The following PDCD6 variants were observed in gnomAD, a reference collection of about 807,000 sequenced individuals.
PDCD6 encodes the protein programmed cell death protein 6.
Under a neutral mutation model 28.3 loss-of-function variants are expected in PDCD6, and 12 were observed. That is an observed-to-expected ratio of 0.42 (90% CI 0.27 to 0.69). The LOEUF is 0.69. Among genes scored for constraint, PDCD6 ranks in the 30% least tolerant of loss-of-function variants. The pLI, the probability that PDCD6 is intolerant of heterozygous loss-of-function variation, is 0.22. For missense variants in PDCD6, 226 were observed against 269.9 expected, an observed-to-expected ratio of 0.84 and a Z score of 1.14; for synonymous variants, 92 against 108.0, an observed-to-expected ratio of 0.85 and a Z score of 0.92.
intron 2 of PDCD6, chr5:289,060 C>T (rs1468170019): frequency 3.1e-6 from 4 of 1,295,882 alleles, no homozygotes; most frequent in Non-Finnish European, 4.5e-6. Flanking sequence ...TGATTATTTT[C>T]CTCAAAAGTC....
In PDCD6 at chr5:305,547, A is replaced by G. The variant is rs1029864478; in HGVS notation, c.209-1055A>G. ...TTGATACATGGGGAGCTACCTCCCC[A>G]CCGGAGAGGAATGGCCTGGGAGCCA... On this transcript the variant is annotated intron_variant, in intron 3 of 5. Coordinates refer to ENST00000264933, the MANE Select transcript of PDCD6 (RefSeq NM_013232.4). This position sits in a 1 kb window ranked among gnomAD's most constrained non-coding sequence, Gnocchi z 4.0. The G allele has an allele frequency of 6.6e-6, 1 of 152,096 alleles. No homozygotes were observed. The highest frequency in any genetic ancestry group is 6.5e-5 in the Admixed American group (1 of 15,274). The allele number at this position is 152,096 out of a possible 1,614,324, so 9.4% of individuals were successfully genotyped here. A position where few individuals can be genotyped will look rare whatever the true frequency, so the allele number is the denominator to read the frequency against.
chr5:286,958 TG>T (rs1299566650), intron 2 of PDCD6, among the ~76,000 whole-genome samples: 1 of 150,646 alleles, frequency 6.6e-6, no homozygotes, highest in East Asian at 2.0e-4. Flanking sequence ...GGAGATACAG[TG>T]GGGAGCAGTG....
chr5:288,940 C>T, intron 2 of PDCD6: 1 of 1,557,368 alleles, frequency 6.4e-7, no homozygotes, highest in Non-Finnish European at 8.8e-7. Context: ...CCTACTAATT[C>T]TTCTGTTTCA....
rs372493961 is a variant in PDCD6 at position 314,558 on chromosome 5, A to C, written c.*43A>C. 7.4e-7 allele frequency: 1 copy of C among 1,350,910 alleles called. No individual in the cohort carries two copies. The highest frequency in any genetic ancestry group is 2.3e-5 in the East Asian group (1 of 43,716). The allele number at this position is 1,350,910 out of a possible 1,614,324, so 83.7% of individuals were successfully genotyped here. A position where few individuals can be genotyped will look rare whatever the true frequency, so the allele number is the denominator to read the frequency against. On this transcript the variant is annotated 3_prime_UTR_variant, in exon 6 of 6. Coordinates refer to ENST00000264933, the MANE Select transcript of PDCD6 (RefSeq NM_013232.4). ...GAGCAGCACAACATGGAAAGAGCCA[A>C]AATGTCACAGTTCCTATCTGTGAGG...
At chr5:271,914 G>A in intron 1 of PDCD6, 93 bp downstream of exon 1, 1 of 606,356 alleles carries the variant, frequency 1.6e-6, no homozygotes, top group East Asian at 3.5e-5. Flanking sequence ...TTCCCTGCCG[G>A]TTCTACTGCG....
intron 2 of PDCD6, among the ~76,000 whole-genome samples, chr5:275,784 C>T (rs1386379145): frequency 6.6e-6 from 1 of 152,192 alleles, no homozygotes; most frequent in Admixed American, 6.5e-5. Context: ...TCTCAAGTTG[C>T]AGGGCTGCGA....
At chr5:281,584 A>G (rs143195341) in intron 2 of PDCD6, among the ~76,000 whole-genome samples, 149 of 151,708 alleles carry the variant, frequency 9.8e-4, no homozygotes, top group Non-Finnish European at 1.3e-3. Context: ...TGTTATTTTA[A>G]TTGGTGGGTC....
intron 2 of PDCD6, among the ~76,000 whole-genome samples, chr5:284,029 G>A (rs185865568): frequency 6.6e-6 from 1 of 152,316 alleles, no homozygotes; most frequent in African/African-American, 2.4e-5. Context: ...TCGGGGTGGA[G>A]CTTATGTTGT....
intron 1 of PDCD6, among the ~76,000 whole-genome samples, 170 bp from the exon 2 acceptor site, chr5:272,541 G>A (rs1265275058): frequency 1.4e-5 from 2 of 144,416 alleles, no homozygotes; most frequent in East Asian, 3.9e-4. Context: ...CACACTGGAC[G>A]TCGGCTCCTG....
intron 2 of PDCD6, chr5:289,002 G>A: frequency 8.0e-7 from 1 of 1,244,534 alleles, no homozygotes; most frequent in East Asian, 2.3e-5. Flanking sequence ...ATTACCTTCG[G>A]AATGTAGTAA....
At chr5:277,869 A>C (rs559005538) in intron 2 of PDCD6, among the ~76,000 whole-genome samples, 9 of 148,574 alleles carry the variant, frequency 6.1e-5, no homozygotes, top group South Asian at 2.1e-4. Flanking sequence ...GAGCTGAGAT[A>C]GCGCCACTGC....
intron 2 of PDCD6, chr5:276,344 C>T (rs1176211601): frequency 9.3e-7 from 1 of 1,077,058 alleles, no homozygotes; most frequent in Non-Finnish European, 1.1e-6. Context: ...TTCATAGTTC[C>T]CTCTCACTAC....
At chr5:298,749 TCA>T (rs1739789867) in intron 2 of PDCD6, among the ~76,000 whole-genome samples, 1 of 19,378 alleles carries the variant, frequency 5.2e-5, no homozygotes, top group Admixed American at 8.1e-4. Context: ...CCCCAGCTGC[TCA>T]CCCCCAACTG....
At chr5:297,814 A>G (rs1335690550) in intron 2 of PDCD6, among the ~76,000 whole-genome samples, 2 of 152,232 alleles carry the variant, frequency 1.3e-5, no homozygotes, top group Non-Finnish European at 2.9e-5. Flanking sequence ...AAGTCATCCA[A>G]AGTATCAGTA....
intron 2 of PDCD6, chr5:288,889 A>G (rs1739152216): frequency 5.8e-6 from 9 of 1,561,934 alleles, no homozygotes; most frequent in Non-Finnish European, 7.8e-6. Flanking sequence ...TTTTCCATGG[A>G]TGATTCTGAA....
At chr5:294,583 C>T (rs1394250588) in intron 2 of PDCD6, among the ~76,000 whole-genome samples, 2 of 152,254 alleles carry the variant, frequency 1.3e-5, no homozygotes, top group Non-Finnish European at 2.9e-5. Flanking sequence ...CTGGGACCCT[C>T]ATAAGCTGCA....
Position 311,280 on chromosome 5 carries a change from T to C in PDCD6, c.368-13T>C. The C allele has an allele frequency of 6.2e-7, 1 of 1,607,744 alleles. No individual in the cohort carries two copies. The highest frequency in any genetic ancestry group is 1.7e-4 in the Middle Eastern group (1 of 6,050). On this transcript the variant is annotated splice_polypyrimidine_tract_variant and intron_variant, in intron 4 of 5. Coordinates refer to ENST00000264933, the MANE Select transcript of PDCD6 (RefSeq NM_013232.4). ...CTCCCAGCCTTCTCTGACTCTGACT[T>C]TCCCTCTTGAAGGCTACCGGCTCTC... is the stretch of plus-strand genomic sequence containing the variant.
chr5:286,847 T>G (rs1362649432), intron 2 of PDCD6, among the ~76,000 whole-genome samples: 1 of 151,660 alleles, frequency 6.6e-6, no homozygotes, highest in African/African-American at 2.4e-5. Flanking sequence ...GGAGCTGGAG[T>G]CTATGTGAGG....
rs150167426 is a variant in PDCD6 at position 288,352 on chromosome 5, C to G, written c.163+15580C>G. On this transcript the variant is annotated intron_variant, in intron 2 of 5. Transcript: ENST00000264933. Reference sequence around the variant, plus strand: ...TAACTTAAAGTTCCATTGTACGTAGCCGGACAATAAAATCTGGAAACCAGC... The same window carrying G: ...TAACTTAAAGTTCCATTGTACGTAGGCGGACAATAAAATCTGGAAACCAGC... Among the ~76,000 whole-genome samples the G allele has an allele frequency of 3.9e-3, 576 of 147,454 alleles. 17 individuals carry two copies. Among genetic ancestry groups the G allele is most frequent in the Admixed American group, 0.034 (500 of 14,792 alleles).
Sources: allele counts gnomAD v4.1 joint callset (sites outside exome capture counted in the v4.1 genomes callset), GRCh38; gene constraint gnomAD v4.1.1; non-coding constraint Gnocchi (gnomAD v3.1); transcripts MANE v1.5; gene names NCBI Gene and HGNC (gene_info 2026-07-23, HGNC 2026-07-21).